Variants in LARP1B observed in about 807,000 individuals in gnomAD.
The protein encoded by LARP1B is La ribonucleoprotein 1B, also known as la-related protein 1B.
Under a neutral mutation model 114.2 loss-of-function variants are expected in LARP1B, and 76 were observed. The ratio of observed to expected loss-of-function variants is 0.67; its 90% CI spans 0.55 to 0.81. The LOEUF is 0.81. LARP1B is among the 30% of genes least tolerant of loss of function. The pLI, the probability that LARP1B is intolerant of heterozygous loss-of-function variation, is 0.00. For synonymous variants in LARP1B, 345 were observed against 348.0 expected (o/e 0.99, Z 0.10); for missense variants, 1,014 against 1,075.8 (o/e 0.94, Z 0.80).
chr4:128,203,400 A>C (rs1055753337), intron 17 of LARP1B, among the ~76,000 whole-genome samples: 1 of 141,988 alleles, frequency 7.0e-6, no homozygotes. Flanking sequence ...CTTTGAGACA[A>C]AGTCACACTG....
rs192804492 is a variant in LARP1B, at chr4:128,072,148, C to T, written c.-77-2312C>T. On this transcript the variant is annotated intron_variant, in intron 1 of 19. Transcript: ENST00000326639. Reference sequence around the variant, plus strand: ...CAGAGTAGCTAGGATAACAGGCACCCGCTGCTATGCCTGGCTAATTTTTGT... The same window carrying T: ...CAGAGTAGCTAGGATAACAGGCACCTGCTGCTATGCCTGGCTAATTTTTGT... Among the ~76,000 whole-genome samples, 8 of 151,988 alleles carry T rather than the reference C, an allele frequency of 5.3e-5. No individual in the cohort carries two copies. In the South Asian group the frequency reaches 6.2e-4, roughly 12 times the overall value.
chr4:128,166,960 CTCTCTCTCTCTATATATA>C (rs1227751619), intron 12 of LARP1B, among the ~76,000 whole-genome samples: 2 of 111,424 alleles, frequency 1.8e-5, no homozygotes, highest in Admixed American at 9.6e-5. Context: ...CTCTCTCTCT[CTCTCTCTCTCTATATATA>C]TATATATATA....
In LARP1B at chr4:128,210,070, C is replaced by A; in HGVS notation, c.*17C>A. ...TCACATTAAACAGTGCTGCCTGTGT[C>A]CTGTGGTCTCAAGAAATGGTGAAAT... is the stretch of plus-strand genomic sequence containing the variant. On this transcript the variant is annotated 3_prime_UTR_variant, in exon 20 of 20. Transcript: ENST00000326639. The A allele has an allele frequency of 6.2e-7, 1 of 1,613,554 alleles. No homozygotes were observed. The highest frequency in any genetic ancestry group is 1.1e-5 in the South Asian group (1 of 91,030).
intron 15 of LARP1B, among the ~76,000 whole-genome samples, chr4:128,182,733 A>C (rs999173111): frequency 1.3e-5 from 2 of 152,224 alleles, no homozygotes; most frequent in Non-Finnish European, 2.9e-5. Flanking sequence ...GAAAGCCCCA[A>C]GACAGGCTGA....
chr4:128,107,405 T>A (rs1193977709), intron 9 of LARP1B, 92 bp downstream of exon 9: 1 of 1,533,218 alleles, frequency 6.5e-7, no homozygotes, highest in East Asian at 2.4e-5. Flanking sequence ...TTATTTAGAT[T>A]TGATAGGAAA....
chr4:128,177,693 T>C (rs1004333422), intron 13 of LARP1B, among the ~76,000 whole-genome samples: 5 of 152,186 alleles, frequency 3.3e-5, no homozygotes, highest in African/African-American at 7.2e-5. Context: ...GAATGTTGAA[T>C]TGGAATTCTC....
At chr4:128,101,393 C>T (rs1053268857) in intron 8 of LARP1B, among the ~76,000 whole-genome samples, 4 of 151,460 alleles carry the variant, frequency 2.6e-5, no homozygotes, top group African/African-American at 9.7e-5. Flanking sequence ...ATTGATTTTA[C>T]TATAGTAAAG....
chr4:128,144,220 T>C (rs923614022), intron 11 of LARP1B, among the ~76,000 whole-genome samples: 9 of 152,198 alleles, frequency 5.9e-5, no homozygotes, highest in Admixed American at 1.3e-4. Context: ...TGTCCCCTTG[T>C]ATGTAATGTG....
chr4:128,084,074 G>T (rs552486479), intron 5 of LARP1B, among the ~76,000 whole-genome samples: 9 of 152,040 alleles, frequency 5.9e-5, no homozygotes, highest in African/African-American at 2.2e-4. Flanking sequence ...GATGGTTGCC[G>T]GGAAGAGGCG....
chr4:128,120,185 G>T (rs546151040), intron 10 of LARP1B, among the ~76,000 whole-genome samples: 1 of 152,038 alleles, frequency 6.6e-6, no homozygotes, highest in African/African-American at 2.4e-5. Context: ...AACAGTGCCT[G>T]GCTCAGAGGA....
intron 7 of LARP1B, among the ~76,000 whole-genome samples, chr4:128,097,047 C>T (rs1165135452): frequency 2.0e-5 from 3 of 151,928 alleles, no homozygotes; most frequent in Non-Finnish European, 2.9e-5. Context: ...TACAGGCACC[C>T]GCCACCATGC....
chr4:128,206,426 A>G lies in LARP1B; in HGVS notation c.2310-2A>G, dbSNP rs1189580377. 1 of 1,546,566 alleles carries G rather than the reference A, an allele frequency of 6.5e-7. No individual in the cohort carries two copies. The highest frequency in any genetic ancestry group is 1.4e-5 in the African/African-American group (1 of 72,502). The stretch of plus-strand genomic sequence containing the variant: ...TATAAACCTTTTATTTTCTCTTTAT[A>G]GGTATGGGTTAGAATGTCTGTTCAG... On this transcript the variant is annotated splice_acceptor_variant, in intron 17 of 19. Transcript: ENST00000326639. LOFTEE classifies it high-confidence loss of function.
At chr4:128,124,052 C>T (rs942277550) in intron 11 of LARP1B, among the ~76,000 whole-genome samples, 1 of 152,134 alleles carries the variant, frequency 6.6e-6, no homozygotes, top group Non-Finnish European at 1.5e-5. Flanking sequence ...TAGACTTGTA[C>T]TTTTCCTGTG....
At chr4:128,171,219 G>A (rs1743550773) in intron 12 of LARP1B, among the ~76,000 whole-genome samples, 1 of 151,704 alleles carries the variant, frequency 6.6e-6, no homozygotes, top group South Asian at 2.1e-4. Flanking sequence ...GCCTCATACT[G>A]CTGGGTTCAA....
Position 128,211,569 on chromosome 4 carries a change from T to A in LARP1B, c.*1516T>A. Reference sequence around the variant, plus strand: ...TATTCAGAAAATAAATTTATTTAGATATATTGTAAAGAGGGTGCAAAACAA... The same window carrying A: ...TATTCAGAAAATAAATTTATTTAGAAATATTGTAAAGAGGGTGCAAAACAA... On this transcript the variant is annotated 3_prime_UTR_variant, in exon 20 of 20. Coordinates refer to ENST00000326639, the MANE Select transcript of LARP1B (RefSeq NM_018078.4). 2 of 934,522 alleles carry A rather than the reference T, an allele frequency of 2.1e-6. No homozygotes were observed. The highest frequency in any genetic ancestry group is 2.6e-6 in the Non-Finnish European group (2 of 783,704). 57.9% of individuals were successfully genotyped at this position (934,522 alleles called of 1,614,324 possible). A position where few individuals can be genotyped will look rare whatever the true frequency, so the allele number is the denominator to read the frequency against.
intron 8 of LARP1B, among the ~76,000 whole-genome samples, chr4:128,101,011 G>T (rs1430315161): frequency 6.6e-6 from 1 of 150,614 alleles, no homozygotes; most frequent in Non-Finnish European, 1.5e-5. Flanking sequence ...TAGAGACAGG[G>T]TTTCACCATG....
chr4:128,208,061 C>T (rs1758064713), intron 19 of LARP1B, among the ~76,000 whole-genome samples: 2 of 152,176 alleles, frequency 1.3e-5, no homozygotes. Context: ...GGTGTGGTGG[C>T]TCACACCTGT....
At chr4:128,132,192 C>T (rs933857077) in intron 11 of LARP1B, among the ~76,000 whole-genome samples, 1 of 152,120 alleles carries the variant, frequency 6.6e-6, no homozygotes, top group Non-Finnish European at 1.5e-5. Context: ...GTGGTATATC[C>T]ATACAATAGA....
At chr4:128,115,298 C>T (rs1034461127) in intron 10 of LARP1B, among the ~76,000 whole-genome samples, 4 of 152,206 alleles carry the variant, frequency 2.6e-5, no homozygotes, top group Non-Finnish European at 4.4e-5. Context: ...CACAGTGGCT[C>T]ATTCCTGTAA....
Sources: gnomAD v4.1 joint callset for allele counts (sites outside exome capture counted in the v4.1 genomes callset) on GRCh38, gnomAD v4.1.1 for gene constraint, MANE v1.5 for transcripts, NCBI Gene and HGNC (gene_info 2026-07-23, HGNC 2026-07-21) for gene names.